TMEM132D: variants seen among roughly 807,000 people sequenced by gnomAD.
The protein encoded by TMEM132D is mature OL transmembrane protein.
A neutral mutation model predicts 62.3 loss-of-function variants in TMEM132D; 21 were observed. That is an observed-to-expected ratio of 0.34 (90% confidence interval 0.24 to 0.49). TMEM132D has a LOEUF of 0.49. Among genes scored for constraint, TMEM132D ranks in the 20% least tolerant of loss-of-function variants. The pLI, the probability that TMEM132D is intolerant of heterozygous loss-of-function variation, is 0.99. For missense variants in TMEM132D, 1,346 were observed against 1,402.8 expected (o/e 0.96, Z 0.65); for synonymous variants, 621 against 575.6 (o/e 1.08, Z -1.13).
At chr12:129,445,301 C>A (rs7489236) in intron 3 of TMEM132D, among the ~76,000 whole-genome samples, 15,327 of 151,782 alleles carry the variant, frequency 0.1, 1,226 homozygotes, top group East Asian at 0.39. Flanking sequence ...CACGCTGGGG[C>A]CTATGGGAGG....
chr12:129,313,537 TGTATATG>T, intron 4 of TMEM132D, among the ~76,000 whole-genome samples: 1 of 149,402 alleles, frequency 6.7e-6, no homozygotes, highest in Non-Finnish European at 1.5e-5. Context: ...ATCACATATA[TGTATATG>T]ATATATATAT....
intron 2 of TMEM132D, among the ~76,000 whole-genome samples, chr12:129,670,113 G>A (rs1338847638): frequency 6.6e-6 from 1 of 152,136 alleles, no homozygotes; most frequent in Non-Finnish European, 1.5e-5. Flanking sequence ...GCAAAATCAT[G>A]ACTGAGGCAG....
chr12:129,405,591 G>A (rs1871761495), intron 3 of TMEM132D, among the ~76,000 whole-genome samples: 1 of 152,134 alleles, frequency 6.6e-6, no homozygotes, highest in East Asian at 1.9e-4. Context: ...TGTGGACTAG[G>A]GGTGCTGTTG....
rs184901751 is a variant in TMEM132D, at chr12:129,361,827, G to C, written c.1116-24010C>G. Among the ~76,000 whole-genome samples, 4 of 152,302 alleles carry C rather than the reference G, an allele frequency of 2.6e-5. No homozygotes were observed. In the East Asian group the frequency reaches 7.7e-4, roughly 29 times the overall value. On this transcript the variant is annotated intron_variant, in intron 3 of 8. Transcript: ENST00000422113. ...ACAAGAATAGGGTAGAATTAAATAT[G>C]TTAGGGTTCAAAAAAGAGGCAAATC...
intron 5 of TMEM132D, chr12:129,208,605 C>A (rs1256600093): frequency 6.6e-6 from 1 of 152,180 alleles, no homozygotes; most frequent in Admixed American, 6.5e-5. Context: ...TACACCAATT[C>A]CTGTCCGGGA....
rs540779443 is a variant in TMEM132D, at chr12:129,084,929, G to A, written c.1444-227C>T. On this transcript the variant is annotated intron_variant, in intron 5 of 8. Coordinates refer to ENST00000422113, the MANE Select transcript of TMEM132D (RefSeq NM_133448.3). ...GCTCTCTGAGTACCCAGGCTTCCTG[G>A]GGTCCCTGTGGCTAGGTTGGTGGAC... 2.5e-4 allele frequency: 138 copies of A among 561,312 alleles called. 1 individual carries two copies. Among genetic ancestry groups the A allele is most frequent in the African/African-American group, 2.3e-3 (120 of 52,244 alleles). 34.8% of individuals were successfully genotyped at this position (561,312 alleles called of 1,614,324 possible). A position where few individuals can be genotyped will look rare whatever the true frequency, so the allele number is the denominator to read the frequency against.
intron 3 of TMEM132D, among the ~76,000 whole-genome samples, chr12:129,506,114 A>G (rs1438477427): frequency 6.6e-6 from 1 of 152,054 alleles, no homozygotes; most frequent in Admixed American, 6.6e-5. Context: ...TTTGTTTTAT[A>G]AGTTCTGTGA....
At chr12:129,077,377 A>G (rs1874296744) in intron 8 of TMEM132D, among the ~76,000 whole-genome samples, 1 of 152,208 alleles carries the variant, frequency 6.6e-6, no homozygotes. Context: ...GGGCAAAAGA[A>G]CTAATGACCT....
chr12:129,902,722 A>T (rs1030142510), intron 1 of TMEM132D, among the ~76,000 whole-genome samples: 2 of 152,022 alleles, frequency 1.3e-5, no homozygotes, highest in African/African-American at 2.4e-5. Flanking sequence ...ACCTGGAGAA[A>T]CCCATCCCCC....
At chr12:129,213,141 A>G (rs537896784) in intron 4 of TMEM132D, among the ~76,000 whole-genome samples, 2 of 152,284 alleles carry the variant, frequency 1.3e-5, no homozygotes, top group East Asian at 3.9e-4. Context: ...GGGATGATGT[A>G]TTTCACGACA....
chr12:129,261,513 C>T (rs546581815), intron 4 of TMEM132D, among the ~76,000 whole-genome samples: 8 of 152,310 alleles, frequency 5.3e-5, no homozygotes, highest in African/African-American at 1.7e-4. Context: ...GTCCACTAAA[C>T]ATCTTTTCCT....
rs2135616468 is a variant in TMEM132D, at chr12:129,081,925, T to C, written c.1757A>G (p.Glu586Gly). The C allele has an allele frequency of 6.2e-7, 1 of 1,613,992 alleles. No individual in the cohort carries two copies. Among genetic ancestry groups the C allele is most frequent in the Non-Finnish European group, 8.5e-7 (1 of 1,180,018 alleles). The change falls in exon 7 of 9, where the codon GAG (glutamate) becomes GGG (glycine). Residue 586 changes from glutamate (E) to glycine (G), a missense_variant. Physicochemically the swap from Glu to Gly is moderately conservative, Grantham distance 98. Transcript: ENST00000422113. ...MVRVLTQFVA[E>G]AAGPGGHLAH... ...CAGGTGTCCCCCAGGGCCGGCCGCC[T>C]CAGCCACAAACTGCGTCAGGACCCG... is the stretch of plus-strand genomic sequence containing the variant.
chr12:129,176,393 T>C (rs974617408), intron 5 of TMEM132D, among the ~76,000 whole-genome samples: 3 of 152,242 alleles, frequency 2.0e-5, no homozygotes, highest in African/African-American at 7.2e-5. Context: ...ATTATTTCAC[T>C]GAAGAACAGA....
chr12:129,336,214 A>G (rs1443882010), intron 4 of TMEM132D, among the ~76,000 whole-genome samples: 1 of 152,212 alleles, frequency 6.6e-6, no homozygotes, highest in Non-Finnish European at 1.5e-5. Flanking sequence ...TGCAATTCCT[A>G]ATTGGTACAC....
intron 2 of TMEM132D, among the ~76,000 whole-genome samples, chr12:129,669,069 C>T (rs565226868): frequency 2.0e-5 from 3 of 152,326 alleles, no homozygotes; most frequent in African/African-American, 7.2e-5. Context: ...CTGGGCTCGG[C>T]TTTTAAAAAC....
At chr12:129,306,949 G>C (rs559716470) in intron 4 of TMEM132D, among the ~76,000 whole-genome samples, 1 of 152,294 alleles carries the variant, frequency 6.6e-6, no homozygotes, top group East Asian at 1.9e-4. Flanking sequence ...GCTAGTGAGC[G>C]ACGGGTAGGT....
At chr12:129,350,064 G>A (rs906021517) in intron 3 of TMEM132D, among the ~76,000 whole-genome samples, 7 of 152,152 alleles carry the variant, frequency 4.6e-5, no homozygotes, top group Non-Finnish European at 8.8e-5. Flanking sequence ...TTACGGGTTC[G>A]AGTGGTCCCT....
chr12:129,223,406 C>CAGG (rs1879399763), intron 4 of TMEM132D, among the ~76,000 whole-genome samples: 2 of 152,172 alleles, frequency 1.3e-5, no homozygotes, highest in Non-Finnish European at 2.9e-5. Context: ...TGCAGGTGAT[C>CAGG]TGGTCAATAG....
intron 4 of TMEM132D, among the ~76,000 whole-genome samples, chr12:129,231,561 C>G (rs1248698883): frequency 6.6e-6 from 1 of 152,186 alleles, no homozygotes; most frequent in Admixed American, 6.5e-5. Context: ...CACACTATAA[C>G]CACTTTGTGA....
Sources: gnomAD v4.1 joint callset for allele counts (sites outside exome capture counted in the v4.1 genomes callset) on GRCh38, gnomAD v4.1.1 for gene constraint, MANE v1.5 for transcripts, NCBI Gene and HGNC (gene_info 2026-07-23, HGNC 2026-07-21) for gene names.